Variants in EDNRA observed in about 807,000 individuals in gnomAD.
The protein encoded by EDNRA is endothelin-1 receptor.
In EDNRA, 11 loss-of-function variants were observed where a neutral mutation model predicts 41.4. That is an observed-to-expected ratio of 0.27 (90% confidence interval 0.17 to 0.44). The LOEUF (loss-of-function observed/expected upper bound fraction) is 0.44, where lower values mean the gene tolerates loss of function less well. EDNRA is among the 20% of genes least tolerant of loss of function. EDNRA has a pLI of 1.00. For missense variants in EDNRA, 294 were observed against 531.0 expected (o/e 0.55, Z 4.39); for synonymous variants, 172 against 183.0 (o/e 0.94, Z 0.49).
At chr4:147,482,943 C>CT in intron 1 of EDNRA, among the ~76,000 whole-genome samples, 1 of 152,316 alleles carries the variant, frequency 6.6e-6, no homozygotes, top group Non-Finnish European at 1.5e-5. Flanking sequence ...AAGGCCTTCT[C>CT]TCTCTCATTT....
rs1365363390 is a variant in EDNRA, at chr4:147,543,134, A to C, written c.*516A>C. 1 of 152,240 alleles carries C rather than the reference A, an allele frequency of 6.6e-6. No homozygotes were observed. The highest frequency in any genetic ancestry group is 6.5e-5 in the Admixed American group (1 of 15,286). 9.4% of individuals were successfully genotyped at this position (152,240 alleles called of 1,614,324 possible). A position where few individuals can be genotyped will look rare whatever the true frequency, so the allele number is the denominator to read the frequency against. On this transcript the variant is annotated 3_prime_UTR_variant, in exon 8 of 8. Coordinates refer to ENST00000651419, the MANE Select transcript of EDNRA (RefSeq NM_001957.4). The stretch of plus-strand genomic sequence containing the variant: ...TGGTGCCAGTATTTTTTAACTGCAT[A>C]ATAGCCTAACATGATTATTTGAACT...
chr4:147,531,750 T>TA (rs1730745012), intron 3 of EDNRA: 1 of 152,546 alleles, frequency 6.6e-6, no homozygotes, highest in Non-Finnish European at 1.5e-5. Flanking sequence ...CTCACGCCTG[T>TA]AATCCCAACA....
intron 2 of EDNRA, among the ~76,000 whole-genome samples, chr4:147,497,548 C>T (rs780782285): frequency 4.6e-5 from 7 of 151,560 alleles, no homozygotes; most frequent in Non-Finnish European, 7.4e-5. Context: ...TGGATACCAG[C>T]GGAGTTTTAT....
chr4:147,485,939 A>T lies in EDNRA; in HGVS notation c.258A>T (p.Ile86=), dbSNP rs201438230. Residue 86 remains isoleucine (I), a synonymous_variant, in exon 2 of 8, where the codon ATA becomes ATT. Transcript: ENST00000651419. ...CTTTCAAATACATTAACACTGTGAT[A>T]TCTTGTACTATTTTCATCGTGGGAA... ...TSAFKYINTV[I]SCTIFIVGMV... 49 of 1,614,130 alleles carry T rather than the reference A, an allele frequency of 3.0e-5. No individual in the cohort carries two copies. The East Asian group carries it at 1.0e-3, about 34-fold the overall frequency.
At chr4:147,535,825 A>G in intron 4 of EDNRA, 52 bp from the exon 5 acceptor site, 1 of 1,596,778 alleles carries the variant, frequency 6.3e-7, no homozygotes. Context: ...AGCATGGTTA[A>G]TTGACATGAC....
chr4:147,493,007 G>A (rs975127617), intron 2 of EDNRA: 8 of 151,984 alleles, frequency 5.3e-5, no homozygotes, highest in East Asian at 1.9e-4. Flanking sequence ...TTATTCCCGC[G>A]TCAGTGATGG....
At chr4:147,531,051 C>T (rs530217701) in intron 3 of EDNRA, among the ~76,000 whole-genome samples, 21 of 152,290 alleles carry the variant, frequency 1.4e-4, no homozygotes, top group African/African-American at 5.1e-4. Context: ...ACCTTCACAT[C>T]AGGTCAAAGA....
In EDNRA at chr4:147,542,486, C is replaced by T. The variant is rs1441819700; in HGVS notation, c.1152C>T (p.Leu384=). The T allele has an allele frequency of 1.9e-6, 3 of 1,613,716 alleles. No homozygotes were observed. Among genetic ancestry groups the T allele is most frequent in the Non-Finnish European group, 2.5e-6 (3 of 1,179,824 alleles). Residue 384 remains leucine (L), a synonymous_variant, in exon 8 of 8, where the codon CTC becomes CTT. Transcript: ENST00000651419. ...TCTGTTCCTTCCCCCAGTCATGCCT[C>T]TGCTGCTGCTGTTACCAGTCCAAAA... The part of the protein sequence containing the change: ...KKFKNCFQSC[L]CCCCYQSKSL...
At chr4:147,531,803 G>A (rs1407407431) in intron 3 of EDNRA, 2 of 152,416 alleles carry the variant, frequency 1.3e-5, no homozygotes, top group Non-Finnish European at 2.9e-5. Flanking sequence ...TCAGGAGATC[G>A]AGACCATCCT....
At chr4:147,528,174 C>T (rs1374466711) in intron 3 of EDNRA, among the ~76,000 whole-genome samples, 2 of 152,068 alleles carry the variant, frequency 1.3e-5, no homozygotes, top group African/African-American at 4.8e-5. Context: ...TAAGAATTCC[C>T]TAGCCAATTA....
intron 2 of EDNRA, chr4:147,491,815 C>G (rs565271288): frequency 6.6e-6 from 1 of 152,330 alleles, no homozygotes; most frequent in African/African-American, 2.4e-5. Flanking sequence ...ACTGCATTCT[C>G]TAAATTTTAA....
intron 3 of EDNRA, among the ~76,000 whole-genome samples, chr4:147,530,068 A>C (rs1730693386): frequency 6.6e-6 from 1 of 152,184 alleles, no homozygotes; most frequent in Non-Finnish European, 1.5e-5. Context: ...ATGGATGTGT[A>C]ATATTCTGGG....
intron 1 of EDNRA, among the ~76,000 whole-genome samples, chr4:147,483,580 A>G (rs1192758274): frequency 6.6e-6 from 1 of 152,210 alleles, no homozygotes; most frequent in Non-Finnish European, 1.5e-5. Context: ...ACTTGAATAA[A>G]TCTTATTTTA....
intron 2 of EDNRA, among the ~76,000 whole-genome samples, chr4:147,518,913 G>A (rs1256819749): frequency 6.6e-6 from 1 of 152,130 alleles, no homozygotes; most frequent in African/African-American, 2.4e-5. Context: ...CCCCCTTTTA[G>A]GTAGCTGAGC....
At chr4:147,539,979 T>A (rs762768165) in intron 6 of EDNRA, 29 bp downstream of exon 6, 3 of 1,557,672 alleles carry the variant, frequency 1.9e-6, no homozygotes, top group Non-Finnish European at 2.6e-6. Context: ...GCTAGAAAAT[T>A]GGAGTTTCTC....
chr4:147,507,643 C>T (rs138684476), intron 2 of EDNRA, among the ~76,000 whole-genome samples: 366 of 152,264 alleles, frequency 2.4e-3, no homozygotes, highest in Non-Finnish European at 4.0e-3. Context: ...CAAACCTACA[C>T]ATGTTACTCA....
chr4:147,540,305 G>A (rs1411098952), intron 6 of EDNRA, 72 bp from the exon 7 acceptor site: 2 of 1,230,620 alleles, frequency 1.6e-6, no homozygotes, highest in Non-Finnish European at 2.3e-6. Flanking sequence ...GCTTATTCTA[G>A]GAAGAAATGC....
chr4:147,522,038 G>T (rs1319802191), intron 3 of EDNRA, among the ~76,000 whole-genome samples: 1 of 152,088 alleles, frequency 6.6e-6, no homozygotes, highest in African/African-American at 2.4e-5. Context: ...TCAGGTGCTG[G>T]AATACACAAG....
At chr4:147,540,542 C>A in intron 7 of EDNRA, 57 bp downstream of exon 7, 1 of 1,196,214 alleles carries the variant, frequency 8.4e-7, no homozygotes, top group Non-Finnish European at 1.2e-6. Flanking sequence ...ATTAAACAGT[C>A]AACAGACACA....
Sources: gnomAD v4.1 joint callset for allele counts (sites outside exome capture counted in the v4.1 genomes callset) on GRCh38, gnomAD v4.1.1 for gene constraint, MANE v1.5 for transcripts, NCBI Gene and HGNC (gene_info 2026-07-23, HGNC 2026-07-21) for gene names.